TCERG1: variants seen among roughly 807,000 people sequenced by gnomAD.
The protein encoded by TCERG1 is transcription elongation regulator 1, also known as TATA box binding protein (TBP)-associated factor, RNA polymerase II, S, 150kD.
In TCERG1, 37 loss-of-function variants were observed where a neutral mutation model predicts 144.7. That is an observed-to-expected ratio of 0.26 (90% CI 0.20 to 0.34). TCERG1 has a LOEUF of 0.34. TCERG1 is among the 10% of genes least tolerant of loss of function. The probability of loss-of-function intolerance (pLI) is 1.00; values close to 1 mark genes in which losing one functional copy is unlikely to be tolerated. For synonymous variants in TCERG1, 492 were observed against 458.2 expected (o/e 1.07, Z -0.94); for missense variants, 1,027 against 1,380.7 (o/e 0.74, Z 4.06).
chr5:146,479,960 C>A (rs763632325), intron 11 of TCERG1, 49 bp downstream of exon 11: 4 of 1,604,516 alleles, frequency 2.5e-6, no homozygotes, highest in Non-Finnish European at 3.4e-6. Flanking sequence ...ACTATTAAAG[C>A]AAGTGTTCTG....
intron 15 of TCERG1, among the ~76,000 whole-genome samples, chr5:146,492,276 G>A (rs963774532): frequency 6.6e-6 from 1 of 152,088 alleles, no homozygotes; most frequent in Non-Finnish European, 1.5e-5. Flanking sequence ...TTTCTTGACT[G>A]CTAGGTTATG....
chr5:146,479,944 T>C (rs1206064041), intron 11 of TCERG1, 33 bp downstream of exon 11: 1 of 1,611,250 alleles, frequency 6.2e-7, no homozygotes, highest in African/African-American at 1.3e-5. Flanking sequence ...GCAGCTTCTT[T>C]TTAATACTAT....
At chr5:146,454,944 A>C in intron 1 of TCERG1, 112 bp from the exon 2 acceptor site, 1 of 1,166,888 alleles carries the variant, frequency 8.6e-7, no homozygotes, top group Non-Finnish European at 1.2e-6. Context: ...ATGACTTTCC[A>C]ACTCCACTTA....
At chr5:146,449,315 C>T (rs562760374) in intron 1 of TCERG1, among the ~76,000 whole-genome samples, 1 of 152,286 alleles carries the variant, frequency 6.6e-6, no homozygotes, top group African/African-American at 2.4e-5. Context: ...CAGTTGCTGA[C>T]CTAGGTGCTG....
intron 1 of TCERG1, among the ~76,000 whole-genome samples, chr5:146,452,480 A>G (rs1273457965): frequency 6.6e-6 from 1 of 152,194 alleles, no homozygotes; most frequent in Non-Finnish European, 1.5e-5. Context: ...ACTAATACTA[A>G]TATTTATTGA....
Position 146,502,517 on chromosome 5 carries a change from TTAAA to T in TCERG1, c.2434-850_2434-847del, listed in dbSNP as rs565158298. On this transcript the variant is annotated intron_variant, in intron 17 of 22. Coordinates refer to ENST00000679501, the MANE Select transcript of TCERG1 (RefSeq NM_001382548.1). ...CTCATTTACTCCTTTCCTCACCTAT[TTAAA>T]TAAATAAGAAATACAGTTTTGGAGA... Among the ~76,000 whole-genome samples, 14 of 152,338 alleles carry T rather than the reference TTAAA, an allele frequency of 9.2e-5. No homozygotes were observed. In the East Asian group the frequency reaches 2.7e-3, roughly 29 times the overall value.
In TCERG1 at chr5:146,510,983, A is replaced by G. The variant is rs2150960918; in HGVS notation, c.*341A>G. ...AAGAAGTAAGAGCATTTGTGGCTTG[A>G]ACTTGCCAGATGCAAATACCACAGA... On this transcript the variant is annotated 3_prime_UTR_variant, in exon 23 of 23. Transcript: ENST00000679501. 1 of 167,734 alleles carries G rather than the reference A, an allele frequency of 6.0e-6. No homozygotes were observed. Among genetic ancestry groups the G allele is most frequent in the South Asian group, 2.0e-4 (1 of 4,970 alleles). 10.4% of individuals were successfully genotyped at this position (167,734 alleles called of 1,614,324 possible).
chr5:146,488,450 C>T (rs1268941242), intron 15 of TCERG1, among the ~76,000 whole-genome samples: 1 of 152,042 alleles, frequency 6.6e-6, no homozygotes, highest in African/African-American at 2.4e-5. Context: ...TCAAAACATA[C>T]AAATGGCCAA....
chr5:146,460,760 G>A (rs991300300), intron 4 of TCERG1, among the ~76,000 whole-genome samples: 2 of 152,148 alleles, frequency 1.3e-5, no homozygotes, highest in African/African-American at 4.8e-5. Flanking sequence ...GGAATGTACT[G>A]AACAGGAAAA....
At chr5:146,480,987 AAC>A in intron 12 of TCERG1, among the ~76,000 whole-genome samples, 161 bp from the exon 13 acceptor site, 1 of 151,400 alleles carries the variant, frequency 6.6e-6, no homozygotes, top group African/African-American at 2.4e-5. Context: ...AAAAAAAAAA[AAC>A]CTAGAATAAG....
intron 8 of TCERG1, 31 bp downstream of exon 8, chr5:146,470,779 C>T (rs767922451): frequency 1.3e-6 from 2 of 1,504,154 alleles, no homozygotes; most frequent in Admixed American, 4.1e-5. Flanking sequence ...AACCTGGGAG[C>T]CACATTAATT....
intron 21 of TCERG1, among the ~76,000 whole-genome samples, chr5:146,508,602 C>T (rs879691346): frequency 6.6e-6 from 1 of 152,120 alleles, no homozygotes; most frequent in Non-Finnish European, 1.5e-5. Flanking sequence ...ACTTTTCTGA[C>T]TGTTTAGAAT....
At chr5:146,452,466 AAATACT>A (rs1340468315) in intron 1 of TCERG1, among the ~76,000 whole-genome samples, 13 of 152,328 alleles carry the variant, frequency 8.5e-5, no homozygotes, top group Admixed American at 2.0e-4. Context: ...TTCATGCAAC[AAATACT>A]AATACTAATA....
intron 19 of TCERG1, 31 bp from the exon 20 acceptor site, chr5:146,506,997 T>C: frequency 6.6e-7 from 1 of 1,509,698 alleles, no homozygotes; most frequent in East Asian, 2.3e-5. Flanking sequence ...TAAGTCTCTT[T>C]GGTGATATAT....
chr5:146,462,266 T>G (rs1581407515), intron 4 of TCERG1, among the ~76,000 whole-genome samples: 1 of 152,218 alleles, frequency 6.6e-6, no homozygotes, highest in East Asian at 1.9e-4. Flanking sequence ...GGCATAAAGA[T>G]TGGGAAAGCA....
intron 19 of TCERG1, 52 bp downstream of exon 19, chr5:146,504,058 T>G (rs769209217): frequency 2.3e-5 from 32 of 1,371,528 alleles, no homozygotes; most frequent in Admixed American, 5.4e-5. Context: ...TATTGGAAAT[T>G]TATTATGTTA....
chr5:146,509,412 CTT>C (rs375876511), intron 22 of TCERG1, among the ~76,000 whole-genome samples, 167 bp downstream of exon 22: 14 of 140,578 alleles, frequency 1.0e-4, no homozygotes, highest in South Asian at 2.3e-4. Flanking sequence ...ATCTACCATA[CTT>C]TTTTTTTTTT....
Position 146,455,194 on chromosome 5 carries a change from C to G in TCERG1, c.198C>G (p.Pro66=). ...MRGPPPPPRP[P]FGRPPFDPNM... ...GCCCTCCTCCACCACCACGGCCGCCCTTTGGACGTCCTCCTTTTGATCCTA... is the reference window on the plus strand; with the variant it reads ...GCCCTCCTCCACCACCACGGCCGCCGTTTGGACGTCCTCCTTTTGATCCTA... The change falls in exon 2 of 23, where the codon CCC becomes CCG. Residue 66 remains proline, a synonymous_variant. Coordinates refer to ENST00000679501, the MANE Select transcript of TCERG1 (RefSeq NM_001382548.1). 1 of 1,614,232 alleles carries G rather than the reference C, an allele frequency of 6.2e-7. No homozygotes were observed. Among genetic ancestry groups the G allele is most frequent in the Non-Finnish European group, 8.5e-7 (1 of 1,180,038 alleles).
At chr5:146,510,234 T>C in intron 22 of TCERG1, 1 of 709,298 alleles carries the variant, frequency 1.4e-6, no homozygotes, top group Non-Finnish European at 2.1e-6. Context: ...GGTGGGAGGG[T>C]AATTCAGCTT....
Sources: gnomAD v4.1 joint callset for allele counts (sites outside exome capture counted in the v4.1 genomes callset) on GRCh38, gnomAD v4.1.1 for gene constraint, MANE v1.5 for transcripts, NCBI Gene and HGNC (gene_info 2026-07-23, HGNC 2026-07-21) for gene names.